Variants in STARD9 observed in about 807,000 individuals in gnomAD.
STARD9 encodes StAR related lipid transfer domain containing 9, also known as stAR-related lipid transfer protein 9.
STARD9 carries 346 observed loss-of-function variants against 399.8 expected under a neutral mutation model. That is an observed-to-expected ratio of 0.87 (90% CI 0.79 to 0.95). The LOEUF is 0.95. Among genes scored for constraint, STARD9 ranks in the 40% least tolerant of loss-of-function variants. The pLI is 0.00. For synonymous variants in STARD9, 2,203 were observed against 2,143.5 expected (o/e 1.03, Z -0.77); for missense variants, 5,832 against 5,667.5 (o/e 1.03, Z -0.93).
At chr15:42,709,221 C>T (rs1355285509) in intron 26 of STARD9, among the ~76,000 whole-genome samples, 8 of 152,002 alleles carry the variant, frequency 5.3e-5, no homozygotes, top group East Asian at 1.9e-4. Context: ...CATAGTGATA[C>T]GCCATCTCTA....
At chr15:42,603,178 A>G (rs2058664145) in intron 3 of STARD9, among the ~76,000 whole-genome samples, 1 of 152,066 alleles carries the variant, frequency 6.6e-6, no homozygotes, top group African/African-American at 2.4e-5. Flanking sequence ...TTATTTATTT[A>G]TTTATTTATT....
At chr15:42,676,530 G>A (rs1227133139) in intron 20 of STARD9, among the ~76,000 whole-genome samples, 1 of 152,128 alleles carries the variant, frequency 6.6e-6, no homozygotes, top group East Asian at 1.9e-4. Context: ...ATATCTTTTG[G>A]TTCTACCCTC....
At chr15:42,620,487 A>C (rs1317565248) in intron 3 of STARD9, among the ~76,000 whole-genome samples, 2 of 152,078 alleles carry the variant, frequency 1.3e-5, no homozygotes, top group Admixed American at 6.6e-5. Flanking sequence ...CTCAAAAAAA[A>C]AAAATTTTCA....
chr15:42,625,450 C>T (rs752949383), intron 3 of STARD9, among the ~76,000 whole-genome samples: 1 of 151,838 alleles, frequency 6.6e-6, no homozygotes, highest in Non-Finnish European at 1.5e-5. Context: ...CTTGTCTCAG[C>T]CTTCCAAGTA....
chr15:42,716,186 C>A (rs1290897535), intron 26 of STARD9, among the ~76,000 whole-genome samples: 1 of 152,134 alleles, frequency 6.6e-6, no homozygotes, highest in African/African-American at 2.4e-5. Flanking sequence ...CCCATCTAAT[C>A]CCCAGTTAGG....
intron 8 of STARD9, 26 bp from the exon 9 acceptor site, chr15:42,652,494 C>A: frequency 6.5e-7 from 1 of 1,531,056 alleles, no homozygotes; most frequent in South Asian, 1.2e-5. Flanking sequence ...AATCCTCGTC[C>A]TAACAGTTTT....
intron 9 of STARD9, among the ~76,000 whole-genome samples, chr15:42,658,099 G>A (rs4924692): frequency 0.25 from 37,830 of 152,038 alleles, 5,582 homozygotes; most frequent in African/African-American, 0.4. Flanking sequence ...AAATTGAACA[G>A]AAGTACAAAT....
chr15:42,708,374 C>T (rs942604348), intron 26 of STARD9, among the ~76,000 whole-genome samples: 1 of 152,198 alleles, frequency 6.6e-6, no homozygotes, highest in Non-Finnish European at 1.5e-5. Context: ...CAGTCATGCC[C>T]ATTCATGTAC....
Position 42,575,730 on chromosome 15 carries a change from G to C in STARD9, c.15G>C (p.Gln5His), listed in dbSNP as rs765393388. ...GTGGCAGACGGATGGCGAACGTGCA[G>C]GTCGCCGTGCGGGTCCGGCCGCTCA... is the stretch of plus-strand genomic sequence containing the variant. Reference protein sequence around the residue: MANVQVAVRVRPLSK... With the variant: MANVHVAVRVRPLSK... The change falls in exon 1 of 33, where the codon CAG (glutamine) becomes CAC (histidine). Residue 5 changes from glutamine to histidine, a missense_variant. Transcript: ENST00000290607. The C allele has an allele frequency of 6.5e-7, 1 of 1,536,558 alleles. No homozygotes were observed. The highest frequency in any genetic ancestry group is 8.7e-7 in the Non-Finnish European group (1 of 1,146,816).
rs1995939 is a variant in STARD9, at chr15:42,720,319, A to G, written c.*745A>G. 0.4 allele frequency: 61,243 copies of G among 152,290 alleles called. 18,184 individuals are homozygous for G. Among genetic ancestry groups the G allele is most frequent in the African/African-American group, 0.84 (34,818 of 41,472 alleles). 9.4% of individuals were successfully genotyped at this position (152,290 alleles called of 1,614,324 possible). On this transcript the variant is annotated 3_prime_UTR_variant, in exon 33 of 33. Transcript: ENST00000290607. ...TGGACAGATTTGGGGTCAGGGTTGG[A>G]GGCTGAGTTCTTTTGAGGACTGGTT...
In STARD9 at chr15:42,638,904, A is replaced by G. The variant is rs1049306480; in HGVS notation, c.559+92A>G. ...TAATTCATTGAACATAGGTGTAATG[A>G]ACACTTATCGTGTGCCAGCTACTGT... On this transcript the variant is annotated intron_variant, in intron 7 of 32. Transcript: ENST00000290607. The G allele has an allele frequency of 4.4e-5, 30 of 677,568 alleles. No homozygotes were observed. In the East Asian group the frequency reaches 5.1e-4, roughly 12 times the overall value. 42.0% of individuals were successfully genotyped at this position (677,568 alleles called of 1,614,324 possible). A position where few individuals can be genotyped will look rare whatever the true frequency, so the allele number is the denominator to read the frequency against.
At chr15:42,593,383 G>A (rs960230572) in intron 3 of STARD9, among the ~76,000 whole-genome samples, 1 of 152,114 alleles carries the variant, frequency 6.6e-6, no homozygotes, top group African/African-American at 2.4e-5. Context: ...TTACCCACCA[G>A]GGCCTGAAAG....
chr15:42,689,902 G>C lies in STARD9; in HGVS notation c.8324G>C (p.Gly2775Ala), dbSNP rs766953603. ...PQETAEGIPP[G>A]SQDSSPEHQE... ...GAGACTGCAGAGGGCATACCCCCTG[G>C]CAGTCAGGACAGCAGCCCAGAGCAT... Residue 2775 changes from glycine to alanine, a missense_variant, in exon 23 of 33, where the codon GGC becomes GCC. Physicochemically the swap from Gly to Ala is moderately conservative, Grantham distance 60 (BLOSUM62 0). This residue lies in a region of STARD9 where 5,828 missense variants were observed against 5,651.1 expected (regional missense o/e 1.03). Transcript: ENST00000290607. The C allele has an allele frequency of 6.5e-7, 1 of 1,537,554 alleles. No homozygotes were observed. The highest frequency in any genetic ancestry group is 8.7e-7 in the Non-Finnish European group (1 of 1,147,014).
At chr15:42,710,663 A>G (rs911310349) in intron 26 of STARD9, among the ~76,000 whole-genome samples, 1 of 152,226 alleles carries the variant, frequency 6.6e-6, no homozygotes, top group Non-Finnish European at 1.5e-5. Flanking sequence ...GTAACAAATT[A>G]CCACTCACAG....
intron 31 of STARD9, 110 bp downstream of exon 31, chr15:42,718,624 C>G: frequency 7.0e-7 from 1 of 1,426,768 alleles, no homozygotes; most frequent in Non-Finnish European, 9.5e-7. Context: ...CAAATTGGGG[C>G]TGGAGCCAGG....
Position 42,685,333 on chromosome 15 carries a change from G to A in STARD9, c.3755G>A (p.Cys1252Tyr), listed in dbSNP as rs1162258112. ...CCTGTAATGGACCAAGAGGCAATAT[G>A]CAGGCTTGGTCCCATCAACTACAGA... is the stretch of plus-strand genomic sequence containing the variant. ...SLPVMDQEAI[C>Y]RLGPINYRTA... The change falls in exon 23 of 33, where the codon TGC (cysteine) becomes TAC (tyrosine). Residue 1252 changes from cysteine to tyrosine, a missense_variant. Transcript: ENST00000290607. 6.5e-7 allele frequency: 1 copy of A among 1,537,360 alleles called. No individual in the cohort carries two copies. The highest frequency in any genetic ancestry group is 2.0e-5 in the Admixed American group (1 of 50,994).
chr15:42,626,354 T>TTCCTCTTCCTCTTCTTCC (rs2059216176), intron 3 of STARD9, among the ~76,000 whole-genome samples: 1 of 139,068 alleles, frequency 7.2e-6, no homozygotes, highest in Non-Finnish European at 1.5e-5. Flanking sequence ...CTTCCTCTTC[T>TTCCTCTTCCTCTTCTTCC]TCCTCTTCCT....
chr15:42,630,918 A>G lies in STARD9; in HGVS notation c.235-3938A>G, dbSNP rs181391693. Among the ~76,000 whole-genome samples the G allele has an allele frequency of 9.5e-4, 138 of 144,522 alleles. 6 individuals are homozygous for G. Among genetic ancestry groups the G allele is most frequent in the Admixed American group, 1.6e-3 (23 of 14,628 alleles). The allele number at this position is 144,522 out of a possible 152,430, so 94.8% of individuals were successfully genotyped here. A position where few individuals can be genotyped will look rare whatever the true frequency, so the allele number is the denominator to read the frequency against. ...TGCTTTTTTCATTTCAATTTCATTT[A>G]TTTCTGCTCTAAGTTTTTTTCTTCT... On this transcript the variant is annotated intron_variant, in intron 3 of 32. Coordinates refer to ENST00000290607, the MANE Select transcript of STARD9 (RefSeq NM_020759.3).
Position 42,662,805 on chromosome 15 carries a change from A to T in STARD9, c.782A>T (p.Asp261Val), listed in dbSNP as rs1025850448. 3.9e-6 allele frequency: 6 copies of T among 1,537,206 alleles called. No homozygotes were observed. In the African/African-American group the frequency reaches 4.1e-5, roughly 11 times the overall value. The change falls in exon 11 of 33, where the codon GAT becomes GTT. Residue 261 changes from aspartate to valine, a missense_variant. Coordinates refer to ENST00000290607, the MANE Select transcript of STARD9 (RefSeq NM_020759.3). ...LVDLAGSERA[D>V]PSYCKDRIAE... is the part of the protein sequence containing the mutation. ...TGACTGTGTTTTAGCGAAAGAGCAG[A>T]TCCCAGTTACTGTAAGGACCGCATT...
Sources: gnomAD v4.1 joint callset for allele counts (sites outside exome capture counted in the v4.1 genomes callset) on GRCh38, gnomAD v4.1.1 for gene constraint, gnomAD v4.1.1 regional missense constraint, MANE v1.5 for transcripts, NCBI Gene and HGNC (gene_info 2026-07-23, HGNC 2026-07-21) for gene names.